The following SYT14 variants were observed in gnomAD, a reference collection of about 807,000 sequenced individuals.
The protein encoded by SYT14 is synaptotagmin 14, also known as synaptotagmin-14.
In SYT14, 32 loss-of-function variants were observed where a neutral mutation model predicts 74.2. That is an observed-to-expected ratio of 0.43 (90% CI 0.33 to 0.58). SYT14 has a LOEUF of 0.58. Among genes scored for constraint, SYT14 ranks in the 20% least tolerant of loss-of-function variants. The pLI is 0.05. For synonymous variants in SYT14, 298 were observed against 337.7 expected (o/e 0.88, Z 1.29); for missense variants, 791 against 981.8 (o/e 0.81, Z 2.60).
At chr1:209,957,663 G>T (rs2079014772) in intron 2 of SYT14, among the ~76,000 whole-genome samples, 3 of 152,012 alleles carry the variant, frequency 2.0e-5, no homozygotes, top group Admixed American at 6.6e-5. Flanking sequence ...CCTACTTCAG[G>T]TGATCTACCC....
chr1:210,021,912 A>T (rs1262105958), intron 5 of SYT14, among the ~76,000 whole-genome samples: 1 of 152,210 alleles, frequency 6.6e-6, no homozygotes, highest in Admixed American at 6.5e-5. Flanking sequence ...AGAAGATGTC[A>T]GTCCACTTAT....
intron 5 of SYT14, among the ~76,000 whole-genome samples, chr1:210,030,117 ATTTG>A (rs761063304): frequency 2.6e-5 from 4 of 151,284 alleles, no homozygotes; most frequent in Admixed American, 6.6e-5. Flanking sequence ...ACTTTGCTGG[ATTTG>A]TTTATTAGTT....
chr1:210,099,925 T>C (rs1211221849), intron 6 of SYT14, 87 bp from the exon 6 acceptor site: 1 of 1,289,862 alleles, frequency 7.8e-7, no homozygotes, highest in Non-Finnish European at 1.1e-6. Flanking sequence ...TGTTTTCACA[T>C]CTTCTAAAGA....
Position 209,990,697 on chromosome 1 carries a change from G to T in SYT14, c.-485-22936G>T, listed in dbSNP as rs550049737. Among the ~76,000 whole-genome samples the T allele has an allele frequency of 7.3e-5, 11 of 150,036 alleles. No individual in the cohort carries two copies. In the Admixed American group the frequency reaches 7.3e-4, roughly 10 times the overall value. On this transcript the variant is annotated intron_variant, in intron 2 of 9. Transcript: ENST00000637265. Reference sequence around the variant, plus strand: ...CTGATGTGATTATTACACATTGTATGCCTGTATCAAAATAACTAATGTACT... The same window carrying T: ...CTGATGTGATTATTACACATTGTATTCCTGTATCAAAATAACTAATGTACT...
At chr1:210,017,087 A>G (rs1488937960) in exon 4 of SYT14, 3 of 1,231,622 alleles carry the variant, frequency 2.4e-6, no homozygotes, top group African/African-American at 3.1e-5. Flanking sequence ...TTCTAAGATA[A>G]TACCAGAAAA....
intron 7 of SYT14, among the ~76,000 whole-genome samples, chr1:210,108,929 G>A (rs2082208461): frequency 6.6e-6 from 1 of 151,988 alleles, no homozygotes; most frequent in African/African-American, 2.4e-5. Context: ...GAAGGAGAAG[G>A]GTCCAGAGTG....
exon 4 of SYT14, chr1:210,016,984 G>A (rs2080197928): frequency 2.4e-6 from 3 of 1,231,616 alleles, no homozygotes; most frequent in Admixed American, 8.4e-5. Context: ...TAAATTCAAC[G>A]AAATACTGTA....
chr1:209,947,949 G>A (rs2078848511), intron 1 of SYT14, among the ~76,000 whole-genome samples: 1 of 152,164 alleles, frequency 6.6e-6, no homozygotes, highest in Non-Finnish European at 1.5e-5. Flanking sequence ...AGGACTTGCT[G>A]AAGGCCTAGA....
At chr1:210,079,675 A>G (rs2081583249) in intron 5 of SYT14, among the ~76,000 whole-genome samples, 1 of 152,218 alleles carries the variant, frequency 6.6e-6, no homozygotes, top group African/African-American at 2.4e-5. Flanking sequence ...AACACTGGAA[A>G]AAAAAATGTA....
At chr1:209,978,521 A>G (rs932317958) in intron 2 of SYT14, among the ~76,000 whole-genome samples, 3 of 152,126 alleles carry the variant, frequency 2.0e-5, no homozygotes, top group Admixed American at 1.3e-4. Context: ...AGAACAGCAG[A>G]TATTGGTGAT....
chr1:209,997,463 A>T (rs891396125), intron 2 of SYT14, among the ~76,000 whole-genome samples: 1 of 152,162 alleles, frequency 6.6e-6, no homozygotes, highest in African/African-American at 2.4e-5. Flanking sequence ...TACTGAAAGA[A>T]ATTGGAGATG....
intron 6 of SYT14, among the ~76,000 whole-genome samples, chr1:210,097,730 A>G (rs974291549): frequency 1.3e-5 from 2 of 152,184 alleles, no homozygotes; most frequent in East Asian, 3.8e-4. Flanking sequence ...CTAAACCGTA[A>G]ATTTTTTAAC....
chr1:210,070,354 TA>T (rs2081370288), intron 5 of SYT14, among the ~76,000 whole-genome samples: 2 of 152,132 alleles, frequency 1.3e-5, no homozygotes, highest in African/African-American at 2.4e-5. Context: ...TTTAGAAAAT[TA>T]ATCCCTTATT....
chr1:210,042,228 C>T (rs1271997610), intron 5 of SYT14, among the ~76,000 whole-genome samples: 1 of 151,984 alleles, frequency 6.6e-6, no homozygotes, highest in East Asian at 2.0e-4. Flanking sequence ...ATTAAATTTA[C>T]AAACACATTT....
chr1:209,978,071 A>G (rs921572244), intron 2 of SYT14, among the ~76,000 whole-genome samples: 8 of 147,964 alleles, frequency 5.4e-5, no homozygotes, highest in East Asian at 2.0e-4. Flanking sequence ...TCCTTTAAGG[A>G]CTCTTTGCAT....
chr1:209,965,686 A>G (rs1426052022), intron 2 of SYT14, among the ~76,000 whole-genome samples: 1 of 152,158 alleles, frequency 6.6e-6, no homozygotes, highest in African/African-American at 2.4e-5. Flanking sequence ...ACAGTCCGTA[A>G]GCATTCCCTA....
chr1:210,078,569 T>C (rs2081557664), intron 5 of SYT14, among the ~76,000 whole-genome samples: 1 of 152,162 alleles, frequency 6.6e-6, no homozygotes, highest in South Asian at 2.1e-4. Flanking sequence ...AGACATATAC[T>C]TTTAAAATGT....
intron 7 of SYT14, among the ~76,000 whole-genome samples, chr1:210,124,133 A>G (rs1020443883): frequency 3.9e-5 from 6 of 152,120 alleles, no homozygotes; most frequent in African/African-American, 1.4e-4. Context: ...TCATGCTACA[A>G]CAGCAGAGTG....
At position 210,059,427 on chromosome 1, in the gene SYT14, A is replaced by AATATATATATATATAT. The variant is rs374307953; in HGVS notation, c.1313-34885_1313-34870dup. Among the ~76,000 whole-genome samples the AATATATATATATATAT allele has an allele frequency of 1.4e-3, 114 of 79,970 alleles. 1 individual carries two copies. Among genetic ancestry groups the AATATATATATATATAT allele is most frequent in the African/African-American group, 2.4e-3 (35 of 14,530 alleles). 52.5% of individuals were successfully genotyped at this position (79,970 alleles called of 152,430 possible). On this transcript the variant is annotated intron_variant, in intron 5 of 9. Coordinates refer to ENST00000637265, the Ensembl canonical transcript of SYT14. ...CTGTATATGCATGATGACAAGAAAGAATATATATATATATATATATATATA... is the reference window on the plus strand; with the variant it reads ...CTGTATATGCATGATGACAAGAAAGAATATATATATATATATATATATATATATATATATATATATA...
Sources: allele counts gnomAD v4.1 joint callset (sites outside exome capture counted in the v4.1 genomes callset), GRCh38; gene constraint gnomAD v4.1.1; transcripts MANE v1.5; gene names NCBI Gene and HGNC (gene_info 2026-07-23, HGNC 2026-07-21).